RASSF3: variants seen among roughly 807,000 people sequenced by gnomAD.
RASSF3 encodes the protein Ras association domain family member 3.
In RASSF3, 19 loss-of-function variants were observed where a neutral mutation model predicts 19.9. The observed-to-expected ratio is 0.96, with a 90% confidence interval of 0.67 to 1.40. The LOEUF (loss-of-function observed/expected upper bound fraction) is 1.40, where lower values mean the gene tolerates loss of function less well. Ranked by LOEUF, RASSF3 falls within the 40% of genes most tolerant of loss-of-function variation. The pLI, the probability that RASSF3 is intolerant of heterozygous loss-of-function variation, is 0.00. For synonymous variants in RASSF3, 110 were observed against 104.2 expected (o/e 1.06, Z -0.34); for missense variants, 306 against 289.8 (o/e 1.06, Z -0.41).
chr12:64,599,921 C>T (rs557828927), intron 2 of RASSF3, among the ~76,000 whole-genome samples: 84 of 151,288 alleles, frequency 5.6e-4, no homozygotes, highest in Non-Finnish European at 1.1e-3. Context: ...AGTCCCAGCT[C>T]CTCGGGAGGC....
At chr12:64,585,396 A>G (rs1457915345) in intron 2 of RASSF3, among the ~76,000 whole-genome samples, 2 of 152,240 alleles carry the variant, frequency 1.3e-5, no homozygotes, top group East Asian at 1.9e-4. Flanking sequence ...CAATCATTGA[A>G]AAATCCAAGA....
At chr12:64,549,177 G>A (rs1869116395) in intron 2 of RASSF3, among the ~76,000 whole-genome samples, 3 of 152,188 alleles carry the variant, frequency 2.0e-5, no homozygotes, top group Admixed American at 6.6e-5. Flanking sequence ...TGAGGGGTTT[G>A]ACTAAATGTG....
chr12:64,539,206 TC>T (rs1868891645), intron 1 of RASSF3, among the ~76,000 whole-genome samples: 2 of 152,170 alleles, frequency 1.3e-5, no homozygotes, highest in South Asian at 2.1e-4. Flanking sequence ...TCTTGCTGCA[TC>T]ATAACATGGC....
In RASSF3 at chr12:64,650,408, CTTTTT is replaced by C. The variant is rs67304103; in HGVS notation, c.112-34359_112-34355del. On this transcript the variant is annotated intron_variant, in intron 1 of 4. Transcript: ENST00000542104. ...GCCAGGAGGTGTTTCTTTTTTTTTC[CTTTTT>C]TTTTTTTTTTTTTTTTTTTGAGACA... 6.0e-3 allele frequency among the ~76,000 whole-genome samples: 513 copies of C among 85,466 alleles called. 4 individuals are homozygous for C. Among genetic ancestry groups the C allele is most frequent in the African/African-American group, 0.022 (448 of 20,682 alleles). 56.1% of individuals were successfully genotyped at this position (85,466 alleles called of 152,430 possible).
chr12:64,597,902 G>C (rs1440399756), intron 2 of RASSF3, among the ~76,000 whole-genome samples: 3 of 151,428 alleles, frequency 2.0e-5, no homozygotes, highest in African/African-American at 4.9e-5. Context: ...TCCTTTGAAG[G>C]CTTCCTGACC....
intron 1 of RASSF3, chr12:64,628,209 T>C (rs922313540): frequency 6.6e-6 from 1 of 152,222 alleles, no homozygotes; most frequent in African/African-American, 2.4e-5. Flanking sequence ...TCTTTTCCTT[T>C]TTCTAAGAAT....
upstream of RASSF3, among the ~76,000 whole-genome samples, chr12:64,607,081 A>G (rs774661592): frequency 1.2e-4 from 18 of 151,932 alleles, no homozygotes; most frequent in Non-Finnish European, 2.6e-4. Context: ...GAGTTCATCA[A>G]GACCAGCCTG....
At chr12:64,545,979 C>G (rs1869046010), downstream of RASSF3, among the ~76,000 whole-genome samples, 1 of 151,568 alleles carries the variant, frequency 6.6e-6, no homozygotes, top group Non-Finnish European at 1.5e-5. Flanking sequence ...GCTTGTAGTC[C>G]CAGCTACTCT....
At chr12:64,646,389 T>C (rs1448603763) in intron 1 of RASSF3, among the ~76,000 whole-genome samples, 1 of 152,212 alleles carries the variant, frequency 6.6e-6, no homozygotes, top group Non-Finnish European at 1.5e-5. Flanking sequence ...GTTGTTCCAT[T>C]TTTAATTGTG....
intron 1 of RASSF3, among the ~76,000 whole-genome samples, chr12:64,672,795 G>T (rs1283602478): frequency 6.6e-6 from 1 of 152,210 alleles, no homozygotes; most frequent in African/African-American, 2.4e-5. Context: ...GAGATTACAG[G>T]TATGAACCAC....
At chr12:64,663,982 C>G (rs183245822) in intron 1 of RASSF3, among the ~76,000 whole-genome samples, 3 of 151,946 alleles carry the variant, frequency 2.0e-5, no homozygotes, top group Admixed American at 2.0e-4. Context: ...TGGCAGCACG[C>G]CAATATATAC....
chr12:64,563,472 A>G (rs1446643404), intron 2 of RASSF3, among the ~76,000 whole-genome samples: 1 of 152,128 alleles, frequency 6.6e-6, no homozygotes, highest in Non-Finnish European at 1.5e-5. Flanking sequence ...ACCTGGCCAG[A>G]ATATTTTCTT....
At chr12:64,545,886 A>AAG (rs945735783), downstream of RASSF3, among the ~76,000 whole-genome samples, 14 of 151,988 alleles carry the variant, frequency 9.2e-5, no homozygotes, top group Non-Finnish European at 1.2e-4. Flanking sequence ...TCGAAGAAAA[A>AAG]AGAGAGAGAC....
At chr12:64,664,709 A>G (rs537193065) in intron 1 of RASSF3, among the ~76,000 whole-genome samples, 3 of 152,200 alleles carry the variant, frequency 2.0e-5, no homozygotes, top group African/African-American at 7.2e-5. Context: ...TCAAATGTAT[A>G]AGACCAAGCA....
intron 1 of RASSF3, among the ~76,000 whole-genome samples, chr12:64,510,811 G>A (rs756440260): frequency 6.6e-6 from 1 of 152,188 alleles, no homozygotes; most frequent in Admixed American, 6.5e-5. Context: ...TAATCTAGTT[G>A]AGGAACCCAA....
At chr12:64,528,789 C>A (rs1868643594), upstream of RASSF3, among the ~76,000 whole-genome samples, 1 of 152,196 alleles carries the variant, frequency 6.6e-6, no homozygotes, top group African/African-American at 2.4e-5. Flanking sequence ...CTGCCACATG[C>A]CAGGCCCCCC....
intron 1 of RASSF3, among the ~76,000 whole-genome samples, chr12:64,645,619 C>G (rs988087099): frequency 3.9e-5 from 6 of 151,932 alleles, no homozygotes; most frequent in Admixed American, 3.9e-4. Context: ...GTATTACTAG[C>G]CTTCTATCCT....
intron 2 of RASSF3, among the ~76,000 whole-genome samples, chr12:64,557,484 G>C (rs984957003): frequency 1.3e-5 from 2 of 152,064 alleles, no homozygotes; most frequent in Non-Finnish European, 2.9e-5. Flanking sequence ...ATAGTACCCT[G>C]GCAATAACTG....
intron 1 of RASSF3, among the ~76,000 whole-genome samples, chr12:64,659,867 G>A (rs925466308): frequency 1.3e-5 from 2 of 152,122 alleles, no homozygotes; most frequent in East Asian, 1.9e-4. Context: ...AGAATCACTC[G>A]AACCTGGGAA....
Sources: gnomAD v4.1 joint callset for allele counts (sites outside exome capture counted in the v4.1 genomes callset) on GRCh38, gnomAD v4.1.1 for gene constraint, MANE v1.5 for transcripts, NCBI Gene and HGNC (gene_info 2026-07-23, HGNC 2026-07-21) for gene names.